The following MOCOS variants were observed in gnomAD, a reference collection of about 807,000 sequenced individuals.
MOCOS encodes human molybdenum cofactor sulfurase.
Under a neutral mutation model 83.6 loss-of-function variants are expected in MOCOS, and 86 were observed. That is an observed-to-expected ratio of 1.03 (90% CI 0.86 to 1.23). The LOEUF is 1.23. Among genes scored for constraint, MOCOS ranks in the 50% most tolerant of loss-of-function variants. The probability of loss-of-function intolerance (pLI) is 0.00; values close to 1 mark genes in which losing one functional copy is unlikely to be tolerated. For missense variants in MOCOS, 1,120 were observed against 1,126.9 expected (o/e 0.99, Z 0.09); for synonymous variants, 445 against 434.7 (o/e 1.02, Z -0.29).
intron 7 of MOCOS, among the ~76,000 whole-genome samples, chr18:36,214,861 G>A (rs1009868582): frequency 4.6e-5 from 7 of 152,128 alleles, no homozygotes; most frequent in African/African-American, 9.7e-5. Context: ...TGTCTGACCC[G>A]GATCCAGCAC....
At position 36,198,675 on chromosome 18, in the gene MOCOS, T is replaced by A. The variant is rs2091400046; in HGVS notation, c.233-15T>A. On this transcript the variant is annotated splice_polypyrimidine_tract_variant and intron_variant, in intron 2 of 14. Coordinates refer to ENST00000261326, the MANE Select transcript of MOCOS (RefSeq NM_017947.4). ...TAAGTAGTGACTTGGTGGCCTTGTC[T>A]TTGTAACCTGCCAGGTAATCCTCAC... 6.2e-7 allele frequency: 1 copy of A among 1,614,006 alleles called. No individual in the cohort carries two copies. The highest frequency in any genetic ancestry group is 1.3e-5 in the African/African-American group (1 of 74,934).
rs753847410 is a variant in MOCOS, at chr18:36,205,151, T to G, written c.1093T>G (p.Tyr365Asp). 1.2e-6 allele frequency: 2 copies of G among 1,613,840 alleles called. No individual in the cohort carries two copies. The highest frequency in any genetic ancestry group is 1.7e-6 in the Non-Finnish European group (2 of 1,179,788). The change falls in exon 6 of 15, where the codon TAC (tyrosine) becomes GAC (aspartate). Residue 365 changes from tyrosine to aspartate, a missense_variant. Physicochemically the swap from Tyr to Asp is radical, Grantham distance 160. Coordinates refer to ENST00000261326, the MANE Select transcript of MOCOS (RefSeq NM_017947.4). ...YTYVALSSLQ[Y>D]PNGAPVVRIY... ...CTACGTGGCCCTGTCCTCTCTCCAG[T>G]ACCCCAATGGAGCCCCTGTGGTGCG...
intron 1 of MOCOS, among the ~76,000 whole-genome samples, chr18:36,192,876 T>G (rs1452546368): frequency 6.6e-6 from 1 of 152,102 alleles, no homozygotes; most frequent in Non-Finnish European, 1.5e-5. Flanking sequence ...CTTGAACTCC[T>G]GACCTCAGAT....
Position 36,195,294 on chromosome 18 carries a change from C to G in MOCOS, c.180C>G (p.Phe60Leu). The change falls in exon 2 of 15, where the codon TTC becomes TTG. Residue 60 changes from phenylalanine to leucine, a missense_variant. By Grantham distance (22) the Phe-to-Leu change is conservative. Coordinates refer to ENST00000261326, the MANE Select transcript of MOCOS (RefSeq NM_017947.4). ...TTGACCATGCAGGTGCCACCTTGTT[C>G]TCCCAGAGCCAGCTCGAAAGCTTCA... ...VYLDHAGATL[F>L]SQSQLESFTS... 1 of 1,614,180 alleles carries G rather than the reference C, an allele frequency of 6.2e-7. No homozygotes were observed. Among genetic ancestry groups the G allele is most frequent in the Non-Finnish European group, 8.5e-7 (1 of 1,180,000 alleles).
intron 14 of MOCOS, 38 bp downstream of exon 14, chr18:36,266,891 T>A: frequency 6.6e-7 from 1 of 1,514,318 alleles, no homozygotes; most frequent in Non-Finnish European, 9.2e-7. Context: ...TGGTTTCCAA[T>A]CCTGGTGTTA....
rs749001063 is a variant in MOCOS at position 36,266,237 on chromosome 18, GT to G, written c.2410-511del. Among the ~76,000 whole-genome samples, 1,280 of 152,244 alleles carry G rather than the reference GT, an allele frequency of 8.4e-3. 14 individuals are homozygous for G. The highest frequency in any genetic ancestry group is 0.013 in the Non-Finnish European group (874 of 68,010). On this transcript the variant is annotated intron_variant, in intron 13 of 14. Coordinates refer to ENST00000261326, the MANE Select transcript of MOCOS (RefSeq NM_017947.4). ...TGCCACCTCCGCCTCCCGGGTTCAAGTGATTCTTCTTCCTCAGCCTCCTGGG... is the reference window on the plus strand; with the variant it reads ...TGCCACCTCCGCCTCCCGGGTTCAAGGATTCTTCTTCCTCAGCCTCCTGGG...
intron 1 of MOCOS, among the ~76,000 whole-genome samples, chr18:36,192,226 C>A (rs2091368712): frequency 6.6e-6 from 1 of 152,076 alleles, no homozygotes; most frequent in Non-Finnish European, 1.5e-5. Flanking sequence ...AATCCACACA[C>A]AAAACTATTG....
Position 36,266,806 on chromosome 18 carries a change from C to A in MOCOS, c.2467C>A (p.Arg823=). ...TTGCATCGACCAGCAAACTGGGCAA[C>A]GAAACCAGCATGTTTTCCAAAAACT... ...MICIDQQTGQ[R]NQHVFQKLSE... is the part of the protein sequence containing the mutation. Residue 823 remains arginine, a synonymous_variant, in exon 14 of 15, where the codon CGA becomes AGA. Transcript: ENST00000261326. 1 of 1,614,034 alleles carries A rather than the reference C, an allele frequency of 6.2e-7. No homozygotes were observed. The highest frequency in any genetic ancestry group is 8.5e-7 in the Non-Finnish European group (1 of 1,180,038).
chr18:36,203,281 G>A (rs777826579), intron 5 of MOCOS, 92 bp downstream of exon 5: 10 of 1,195,416 alleles, frequency 8.4e-6, no homozygotes, highest in Non-Finnish European at 1.2e-5. Flanking sequence ...AGGAGACAGA[G>A]TCTGTGGAAG....
intron 12 of MOCOS, 50 bp from the exon 13 acceptor site, chr18:36,259,987 A>C: frequency 1.2e-6 from 2 of 1,609,118 alleles, no homozygotes; most frequent in Non-Finnish European, 8.5e-7. Context: ...ATAGTGGTAC[A>C]ATTATCTGCC....
chr18:36,248,798 T>C, intron 9 of MOCOS, 124 bp from the exon 10 acceptor site: 1 of 773,094 alleles, frequency 1.3e-6, no homozygotes, highest in Non-Finnish European at 2.2e-6. Context: ...CACATTGGTC[T>C]ATGTGTCTAT....
chr18:36,227,629 C>A (rs1479528559), intron 9 of MOCOS, among the ~76,000 whole-genome samples: 1 of 152,038 alleles, frequency 6.6e-6, no homozygotes, highest in Non-Finnish European at 1.5e-5. Flanking sequence ...CTCCTAACCT[C>A]AGGTGATCTG....
At chr18:36,225,508 A>G (rs1186155880) in intron 9 of MOCOS, among the ~76,000 whole-genome samples, 1 of 152,136 alleles carries the variant, frequency 6.6e-6, no homozygotes, top group Non-Finnish European at 1.5e-5. Context: ...TCAAAAATCC[A>G]ACTTAGTTTT....
At chr18:36,267,746 A>C (rs2091686481) in intron 14 of MOCOS, among the ~76,000 whole-genome samples, 1 of 152,176 alleles carries the variant, frequency 6.6e-6, no homozygotes, top group Non-Finnish European at 1.5e-5. Context: ...GAAGGCACAA[A>C]TACAATACTA....
chr18:36,192,007 A>G (rs2091368031), intron 1 of MOCOS, among the ~76,000 whole-genome samples: 1 of 152,234 alleles, frequency 6.6e-6, no homozygotes, highest in Admixed American at 6.5e-5. Context: ...AGCTAACATC[A>G]TACTTAGTGG....
chr18:36,267,240 A>G (rs925132769), intron 14 of MOCOS, among the ~76,000 whole-genome samples: 2 of 152,334 alleles, frequency 1.3e-5, no homozygotes, highest in Middle Eastern at 3.4e-3. Flanking sequence ...AACTGGAAAT[A>G]CATTCATTAA....
At chr18:36,256,799 A>G in intron 11 of MOCOS, 169 bp from the exon 12 acceptor site, 1 of 659,160 alleles carries the variant, frequency 1.5e-6, no homozygotes, top group Non-Finnish European at 2.8e-6. Flanking sequence ...TTGCCTCTTT[A>G]TTGAGAGATA....
intron 2 of MOCOS, among the ~76,000 whole-genome samples, chr18:36,197,707 A>G (rs2091394916): frequency 1.3e-5 from 2 of 152,098 alleles, no homozygotes; most frequent in South Asian, 4.1e-4. Flanking sequence ...CAGGAATTCA[A>G]GGTTATAGTG....
chr18:36,255,064 A>G (rs886312526), intron 11 of MOCOS, among the ~76,000 whole-genome samples: 1 of 152,282 alleles, frequency 6.6e-6, no homozygotes, highest in East Asian at 1.9e-4. Context: ...AAAGCAACAT[A>G]AGTATATTAT....
Sources: allele counts gnomAD v4.1 joint callset (sites outside exome capture counted in the v4.1 genomes callset), GRCh38; gene constraint gnomAD v4.1.1; transcripts MANE v1.5; gene names NCBI Gene and HGNC (gene_info 2026-07-23, HGNC 2026-07-21).